The following ARHGAP8 variants were observed in gnomAD, a reference collection of about 807,000 sequenced individuals.
The protein encoded by ARHGAP8 is Rho GTPase activating protein 8.
A neutral mutation model predicts 46.1 loss-of-function variants in ARHGAP8; 62 were observed. The observed-to-expected ratio is 1.34, with a 90% confidence interval of 1.10 to 1.66. The LOEUF (loss-of-function observed/expected upper bound fraction) is 1.66, where lower values mean the gene tolerates loss of function less well. Among genes scored for constraint, ARHGAP8 ranks in the 40% most tolerant of loss-of-function variants. The pLI, the probability that ARHGAP8 is intolerant of heterozygous loss-of-function variation, is 0.00. For synonymous variants in ARHGAP8, 375 were observed against 243.1 expected, an observed-to-expected ratio of 1.54 and a Z score of -5.05; for missense variants, 923 against 568.4, an observed-to-expected ratio of 1.62 and a Z score of -6.34.
intron 11 of ARHGAP8, among the ~76,000 whole-genome samples, chr22:44,860,677 C>G (rs1264317111): frequency 2.0e-5 from 3 of 152,116 alleles, no homozygotes; most frequent in Non-Finnish European, 4.4e-5. Flanking sequence ...AGAGAGAAAC[C>G]CTTCAGTGCT....
At chr22:44,859,444 T>C (rs112384855) in intron 10 of ARHGAP8, among the ~76,000 whole-genome samples, 7 of 152,284 alleles carry the variant, frequency 4.6e-5, no homozygotes, top group African/African-American at 1.7e-4. Flanking sequence ...CTGAGGCTTC[T>C]CCAGAAGCTG....
At chr22:44,791,564 C>A (rs952718019) in intron 2 of ARHGAP8, among the ~76,000 whole-genome samples, 1 of 151,976 alleles carries the variant, frequency 6.6e-6, no homozygotes, top group Non-Finnish European at 1.5e-5. Flanking sequence ...ATTAGCCGGG[C>A]GTGATGGTGG....
intron 7 of ARHGAP8, among the ~76,000 whole-genome samples, chr22:44,833,098 T>TTTC (rs755900559): frequency 9.0e-5 from 10 of 110,892 alleles, no homozygotes; most frequent in African/African-American, 3.6e-4. Flanking sequence ...TTTCTTTTCT[T>TTTC]TTTTTTTTTT....
At chr22:44,861,447 A>G (rs960965743) in intron 11 of ARHGAP8, among the ~76,000 whole-genome samples, 2 of 149,746 alleles carry the variant, frequency 1.3e-5, no homozygotes, top group African/African-American at 4.9e-5. Context: ...CACACCTGCA[A>G]CGGGCTTGGG....
chr22:44,836,286 A>G (rs1477702383), intron 7 of ARHGAP8, among the ~76,000 whole-genome samples: 1 of 151,568 alleles, frequency 6.6e-6, no homozygotes, highest in Admixed American at 6.6e-5. Context: ...GGTTGGTTTC[A>G]AACTCCTGGG....
rs1372006926 is a variant in ARHGAP8, at chr22:44,845,524, C to G, written c.670+182C>G. Among the ~76,000 whole-genome samples the G allele has an allele frequency of 2.0e-5, 3 of 147,202 alleles. No homozygotes were observed. The East Asian group carries it at 6.0e-4, about 29-fold the overall frequency. ...GATGGTCTGGGTTTGAATCCTGTCT[C>G]CCCTGTGTACTAGCTGTGTGACCTG... On this transcript the variant is annotated intron_variant, in intron 8 of 11. Coordinates refer to ENST00000356099, the MANE Select transcript of ARHGAP8 (RefSeq NM_181335.3).
At chr22:44,786,644 A>G in intron 2 of ARHGAP8, 38 bp downstream of exon 2, 1 of 1,591,434 alleles carries the variant, frequency 6.3e-7, no homozygotes, top group Non-Finnish European at 8.6e-7. Flanking sequence ...GACCATGGGC[A>G]GAGCAGCCTT....
At chr22:44,847,826 G>A in intron 8 of ARHGAP8, 147 bp from the exon 9 acceptor site, 1 of 1,043,076 alleles carries the variant, frequency 9.6e-7, no homozygotes, top group Non-Finnish European at 1.4e-6. Flanking sequence ...GGGTGGGTTG[G>A]GGAATATGGA....
intron 2 of ARHGAP8, among the ~76,000 whole-genome samples, chr22:44,801,340 G>A (rs1418757694): frequency 1.8e-5 from 2 of 113,870 alleles, no homozygotes; most frequent in African/African-American, 7.5e-5. Context: ...TGTGTGAGGG[G>A]CACCTCTCCC....
intron 1 of ARHGAP8, among the ~76,000 whole-genome samples, chr22:44,758,489 C>T (rs1391926068): frequency 6.6e-6 from 1 of 152,160 alleles, no homozygotes; most frequent in Non-Finnish European, 1.5e-5. Context: ...ACTTTAATTT[C>T]CCAGGCAGCC....
chr22:44,762,148 T>G (rs5764990), intron 1 of ARHGAP8, among the ~76,000 whole-genome samples: 1 of 152,024 alleles, frequency 6.6e-6, no homozygotes, highest in Non-Finnish European at 1.5e-5. Flanking sequence ...TGTGGTATAA[T>G]GAATCTTAGC....
intron 7 of ARHGAP8, among the ~76,000 whole-genome samples, chr22:44,842,130 G>A (rs933136992): frequency 1.3e-5 from 2 of 152,180 alleles, no homozygotes; most frequent in Non-Finnish European, 1.5e-5. Context: ...AGGCTGGGGC[G>A]GGCGGATCAC....
intron 2 of ARHGAP8, among the ~76,000 whole-genome samples, chr22:44,792,987 C>A (rs35814633): frequency 1.3e-5 from 2 of 151,658 alleles, no homozygotes; most frequent in Non-Finnish European, 2.9e-5. Context: ...CCATGCCCAG[C>A]TAATTTTTGT....
chr22:44,824,596 G>A (rs1362066356), intron 6 of ARHGAP8, among the ~76,000 whole-genome samples: 2 of 151,762 alleles, frequency 1.3e-5, no homozygotes, highest in African/African-American at 2.4e-5. Flanking sequence ...ACTGTTACCT[G>A]AGCACAGAGG....
In ARHGAP8 at chr22:44,808,359, T is replaced by C; in HGVS notation, c.220T>C (p.Tyr74His). ...QYVENDYTIVYFHYGLNSRNK... is the reference protein window; with the variant it reads ...QYVENDYTIVHFHYGLNSRNK... Reference sequence around the variant, plus strand: ...CGTTGAGAACGATTATACCATCGTCTATTTCCACTACGGGCTGAACAGCCG... The same window carrying C: ...CGTTGAGAACGATTATACCATCGTCCATTTCCACTACGGGCTGAACAGCCG... The change falls in exon 4 of 12, where the codon TAT becomes CAT. Residue 74 changes from tyrosine to histidine, a missense_variant. Physicochemically the swap from Tyr to His is moderately conservative, Grantham distance 83. Coordinates refer to ENST00000356099, the MANE Select transcript of ARHGAP8 (RefSeq NM_181335.3). 1 of 1,614,276 alleles carries C rather than the reference T, an allele frequency of 6.2e-7. No individual in the cohort carries two copies. Among genetic ancestry groups the C allele is most frequent in the South Asian group, 1.1e-5 (1 of 91,090 alleles).
chr22:44,758,672 A>G (rs1924887004), intron 1 of ARHGAP8, among the ~76,000 whole-genome samples: 1 of 151,080 alleles, frequency 6.6e-6, no homozygotes, highest in Non-Finnish European at 1.5e-5. Flanking sequence ...TGGGGGGTGT[A>G]TTTGAGGGGC....
At chr22:44,815,272 C>T (rs541406773) in intron 5 of ARHGAP8, among the ~76,000 whole-genome samples, 5 of 152,296 alleles carry the variant, frequency 3.3e-5, no homozygotes, top group Admixed American at 6.5e-5. Context: ...TGGCTGGCCG[C>T]GGAAGCTCAC....
chr22:44,761,464 C>T (rs1404945574), intron 1 of ARHGAP8, among the ~76,000 whole-genome samples: 3 of 152,170 alleles, frequency 2.0e-5, no homozygotes. Flanking sequence ...TTAAGTGTTA[C>T]AGGTAATCTA....
At chr22:44,816,838 A>G (rs1929780613) in intron 5 of ARHGAP8, among the ~76,000 whole-genome samples, 1 of 145,162 alleles carries the variant, frequency 6.9e-6, no homozygotes, top group Admixed American at 6.8e-5. Flanking sequence ...CTGCCCTGCC[A>G]GGCGGCTTGG....
Sources: gnomAD v4.1 joint callset for allele counts (sites outside exome capture counted in the v4.1 genomes callset) on GRCh38, gnomAD v4.1.1 for gene constraint, MANE v1.5 for transcripts, NCBI Gene and HGNC (gene_info 2026-07-23, HGNC 2026-07-21) for gene names.